The following NRG3 variants were observed in gnomAD, a reference collection of about 807,000 sequenced individuals.
NRG3 encodes the protein neuregulin 3, also known as pro-neuregulin-3, membrane-bound isoform.
Under a neutral mutation model 66.9 loss-of-function variants are expected in NRG3, and 31 were observed. That is an observed-to-expected ratio of 0.46 (90% CI 0.35 to 0.63). The LOEUF is 0.63. Among genes scored for constraint, NRG3 ranks in the 20% least tolerant of loss-of-function variants. NRG3 has a pLI of 0.00. For missense variants in NRG3, 910 were observed against 878.9 expected (o/e 1.04, Z -0.45); for synonymous variants, 393 against 359.4 (o/e 1.09, Z -1.06).
At chr10:82,545,266 A>C (rs1042735737) in intron 2 of NRG3, among the ~76,000 whole-genome samples, 29 of 152,082 alleles carry the variant, frequency 1.9e-4, no homozygotes, top group African/African-American at 7.0e-4. Context: ...ATAATGTCTT[A>C]TTTGAAACAA....
intron 2 of NRG3, among the ~76,000 whole-genome samples, chr10:82,402,384 T>G (rs1336447282): frequency 1.3e-5 from 2 of 152,026 alleles, no homozygotes; most frequent in Non-Finnish European, 2.9e-5. Context: ...ATCAGAAGGT[T>G]GAGTTTGGGG....
At chr10:82,636,938 C>A (rs971692594) in intron 2 of NRG3, among the ~76,000 whole-genome samples, 1 of 151,618 alleles carries the variant, frequency 6.6e-6, no homozygotes, top group Non-Finnish European at 1.5e-5. Flanking sequence ...AGATGTAGGT[C>A]AAAAGATACT....
chr10:82,700,226 T>C (rs919937542), intron 2 of NRG3, among the ~76,000 whole-genome samples: 3 of 152,144 alleles, frequency 2.0e-5, no homozygotes, highest in African/African-American at 7.2e-5. Context: ...GAGAAATCCA[T>C]TGAAAATTTC....
intron 1 of NRG3, among the ~76,000 whole-genome samples, chr10:82,347,647 G>T (rs904257324): frequency 1.3e-5 from 2 of 152,058 alleles, no homozygotes; most frequent in Non-Finnish European, 2.9e-5. Flanking sequence ...TCATTGGTCT[G>T]TCTAATGTTG....
At chr10:82,348,818 T>C (rs1367082613) in intron 1 of NRG3, among the ~76,000 whole-genome samples, 1 of 151,696 alleles carries the variant, frequency 6.6e-6, no homozygotes, top group African/African-American at 2.4e-5. Context: ...TTCATTCATT[T>C]CATCTTCCAT....
At chr10:81,946,655 T>G (rs1261200829) in intron 1 of NRG3, among the ~76,000 whole-genome samples, 1 of 152,008 alleles carries the variant, frequency 6.6e-6, no homozygotes, top group Non-Finnish European at 1.5e-5. Context: ...AAGAATAACA[T>G]GTGCAGCTAA....
chr10:82,360,202 C>T (rs1031993369), intron 2 of NRG3, among the ~76,000 whole-genome samples: 1 of 152,144 alleles, frequency 6.6e-6, no homozygotes, highest in Non-Finnish European at 1.5e-5. Flanking sequence ...TGTTTCTCTC[C>T]ACACTCCTCC....
At chr10:82,624,098 A>T (rs747771412) in intron 2 of NRG3, among the ~76,000 whole-genome samples, 1 of 152,214 alleles carries the variant, frequency 6.6e-6, no homozygotes, top group Admixed American at 6.6e-5. Flanking sequence ...TAATTTTGCC[A>T]TATGAAAGGC....
At chr10:82,744,623 A>G (rs1322624010) in intron 3 of NRG3, among the ~76,000 whole-genome samples, 2 of 152,176 alleles carry the variant, frequency 1.3e-5, no homozygotes, top group Non-Finnish European at 2.9e-5. Flanking sequence ...AACTCAGTGT[A>G]GTTAACTGTG....
At chr10:82,912,710 A>T (rs968066561) in intron 4 of NRG3, among the ~76,000 whole-genome samples, 1 of 152,070 alleles carries the variant, frequency 6.6e-6, no homozygotes, top group Middle Eastern at 3.4e-3. Context: ...GTAATTGATG[A>T]CCTGGGTTTT....
At chr10:82,232,670 C>G (rs1197953108) in intron 1 of NRG3, 1 of 698,390 alleles carries the variant, frequency 1.4e-6, no homozygotes, top group Non-Finnish European at 2.7e-6. Flanking sequence ...ATTTATGAGA[C>G]AATCGGCCAG....
intron 3 of NRG3, among the ~76,000 whole-genome samples, chr10:82,775,119 C>T (rs1264822057): frequency 6.6e-6 from 1 of 151,786 alleles, no homozygotes; most frequent in Non-Finnish European, 1.5e-5. Flanking sequence ...AGCCACCGTG[C>T]CCAGCCTATT....
chr10:82,713,597 T>C (rs536496353), intron 2 of NRG3, among the ~76,000 whole-genome samples: 35 of 152,324 alleles, frequency 2.3e-4, no homozygotes, highest in African/African-American at 8.4e-4. Flanking sequence ...CCTAATGCAC[T>C]GGGTGTGGAA....
intron 2 of NRG3, among the ~76,000 whole-genome samples, chr10:82,669,797 G>A (rs1011848212): frequency 2.0e-5 from 3 of 151,944 alleles, no homozygotes; most frequent in South Asian, 2.1e-4. Context: ...GCGTGGTGGT[G>A]GGCGCCTGTA....
intron 5 of NRG3, chr10:82,955,272 A>C (rs952732168): frequency 6.6e-6 from 1 of 151,936 alleles, no homozygotes; most frequent in Non-Finnish European, 1.5e-5. Flanking sequence ...AAACACCTTG[A>C]ATTTAGAGGA....
At chr10:82,379,539 G>A (rs1380507256) in intron 2 of NRG3, among the ~76,000 whole-genome samples, 2 of 152,124 alleles carry the variant, frequency 1.3e-5, no homozygotes, top group African/African-American at 4.8e-5. Flanking sequence ...GGACTATTAT[G>A]AGGATTAAAT....
At chr10:82,348,562 C>T (rs1159671022) in intron 1 of NRG3, among the ~76,000 whole-genome samples, 5 of 146,652 alleles carry the variant, frequency 3.4e-5, no homozygotes, top group East Asian at 2.0e-4. Flanking sequence ...TTGCTCTTCT[C>T]GAGGAGTATC....
At chr10:82,448,298 A>G (rs1161372724) in intron 2 of NRG3, among the ~76,000 whole-genome samples, 1 of 152,244 alleles carries the variant, frequency 6.6e-6, no homozygotes, top group Non-Finnish European at 1.5e-5. Context: ...TACAGCATCT[A>G]GAAAAATTGG....
At position 82,449,000 on chromosome 10, in the gene NRG3, A is replaced by G. The variant is rs546576777; in HGVS notation, c.953+90132A>G. Among the ~76,000 whole-genome samples the G allele has an allele frequency of 2.0e-5, 3 of 152,306 alleles. No individual in the cohort carries two copies. The East Asian group carries it at 5.8e-4, about 29-fold the overall frequency. ...CTCCTTCTCTCATTCATTGCATATT[A>G]TCTTTTACACTGAATGAATAGGGGA... On this transcript the variant is annotated intron_variant, in intron 2 of 8. Coordinates refer to ENST00000372141, the MANE Select transcript of NRG3 (RefSeq NM_001010848.4).
Sources: gnomAD v4.1 joint callset for allele counts (sites outside exome capture counted in the v4.1 genomes callset) on GRCh38, gnomAD v4.1.1 for gene constraint, MANE v1.5 for transcripts, NCBI Gene and HGNC (gene_info 2026-07-23, HGNC 2026-07-21) for gene names.